SMURF2: variants seen among roughly 807,000 people sequenced by gnomAD.
SMURF2 encodes SMAD specific E3 ubiquitin protein ligase 2, also known as E3 ubiquitin-protein ligase SMURF2.
SMURF2 carries 48 observed loss-of-function variants against 109.6 expected under a neutral mutation model. That is an observed-to-expected ratio of 0.44 (90% CI 0.35 to 0.56). SMURF2 has a LOEUF of 0.56. Ranked by LOEUF, SMURF2 falls within the 20% of genes least tolerant of loss-of-function variation. The pLI, the probability that SMURF2 is intolerant of heterozygous loss-of-function variation, is 0.01. For synonymous variants in SMURF2, 288 were observed against 317.1 expected, an observed-to-expected ratio of 0.91 and a Z score of 0.97; for missense variants, 575 against 909.0, an observed-to-expected ratio of 0.63 and a Z score of 4.72.
intron 2 of SMURF2, among the ~76,000 whole-genome samples, chr17:64,599,389 T>C (rs558522695): frequency 5.9e-4 from 89 of 152,104 alleles, no homozygotes; most frequent in African/African-American, 1.7e-3. Flanking sequence ...TGAGTACAAG[T>C]AAGAGCTCAG....
rs1970348112 is a variant in SMURF2, at chr17:64,631,436, G to T, written c.53-24796C>A. Among the ~76,000 whole-genome samples, 3 of 151,982 alleles carry T rather than the reference G, an allele frequency of 2.0e-5. No homozygotes were observed. The South Asian group carries it at 6.2e-4, about 32-fold the overall frequency. ...AAGAAATGCAGGGGTTGAAGGAAATGGGCTAAGAAAGGACTTTAAAGATGA... is the reference window on the plus strand; with the variant it reads ...AAGAAATGCAGGGGTTGAAGGAAATTGGCTAAGAAAGGACTTTAAAGATGA... On this transcript the variant is annotated intron_variant, in intron 1 of 18. Transcript: ENST00000262435.
At chr17:64,649,016 G>A (rs2144731420) in intron 1 of SMURF2, among the ~76,000 whole-genome samples, 1 of 152,096 alleles carries the variant, frequency 6.6e-6, no homozygotes, top group Non-Finnish European at 1.5e-5. Flanking sequence ...TTCTTCACTG[G>A]AGGAAGAAAG....
At position 64,547,497 on chromosome 17, in the gene SMURF2, AGAG is replaced by A. The variant is rs1968975204; in HGVS notation, c.2071+100_2071+102del. Reference sequence around the variant, plus strand: ...GAGAGTCACAGATAAGAAGTGAAAAAGAGAATCTCTAAGCACATGGTTTACAAA... The same window carrying A: ...GAGAGTCACAGATAAGAAGTGAAAAAAATCTCTAAGCACATGGTTTACAAA... On this transcript the variant is annotated intron_variant, in intron 17 of 18. Coordinates refer to ENST00000262435, the MANE Select transcript of SMURF2 (RefSeq NM_022739.4). This position sits in a 1 kb window ranked among gnomAD's most constrained non-coding sequence, Gnocchi z 4.2. 1.6e-5 allele frequency: 15 copies of A among 945,000 alleles called. No homozygotes were observed. The highest frequency in any genetic ancestry group is 2.3e-5 in the Non-Finnish European group (14 of 608,700). The allele number at this position is 945,000 out of a possible 1,614,324, so 58.5% of individuals were successfully genotyped here.
chr17:64,628,671 C>A (rs188949300), intron 1 of SMURF2, among the ~76,000 whole-genome samples: 46 of 152,302 alleles, frequency 3.0e-4, no homozygotes, highest in African/African-American at 1.1e-3. Flanking sequence ...AACTCTAACA[C>A]TAAGACAACC....
chr17:64,589,577 T>C (rs1439876075), intron 5 of SMURF2, among the ~76,000 whole-genome samples: 4 of 151,842 alleles, frequency 2.6e-5, no homozygotes, highest in Admixed American at 2.0e-4. Context: ...CCACCCGAGC[T>C]CTGCCTCCTA....
intron 1 of SMURF2, among the ~76,000 whole-genome samples, chr17:64,613,456 G>A (rs1490361428): frequency 6.6e-6 from 1 of 152,106 alleles, no homozygotes; most frequent in Non-Finnish European, 1.5e-5. Flanking sequence ...GTGGCAGTGT[G>A]GGAGAAGTTT....
At chr17:64,622,566 T>C (rs995894340) in intron 1 of SMURF2, among the ~76,000 whole-genome samples, 27 of 152,148 alleles carry the variant, frequency 1.8e-4, no homozygotes, top group African/African-American at 6.5e-4. Context: ...GGAATGCTCC[T>C]CAACTGGGAT....
At chr17:64,583,284 T>TCAAA (rs770515281) in intron 7 of SMURF2, among the ~76,000 whole-genome samples, 177 bp downstream of exon 7, 3 of 152,120 alleles carry the variant, frequency 2.0e-5, no homozygotes, top group Non-Finnish European at 4.4e-5. Flanking sequence ...GCATGACCTG[T>TCAAA]CAAACAAACT....
chr17:64,566,574 T>TTTTTTTTTTTTTG, intron 10 of SMURF2, among the ~76,000 whole-genome samples: 14 of 102,964 alleles, frequency 1.4e-4, no homozygotes, highest in Non-Finnish European at 2.0e-4. Flanking sequence ...TTTTTTTTTT[T>TTTTTTTTTTTTTG]TTTTTTTTTT....
At chr17:64,601,828 G>C (rs1166325482) in intron 2 of SMURF2, among the ~76,000 whole-genome samples, 2 of 151,080 alleles carry the variant, frequency 1.3e-5, no homozygotes, top group Admixed American at 1.3e-4. Context: ...AGTGGGTAAA[G>C]AAATGTGGTG....
At chr17:64,638,062 C>CTTTTT (rs1195172818) in intron 1 of SMURF2, among the ~76,000 whole-genome samples, 29 of 102,428 alleles carry the variant, frequency 2.8e-4, no homozygotes, top group Non-Finnish European at 3.3e-4. Flanking sequence ...TTTCCTTTTT[C>CTTTTT]TTTTTTTTTT....
chr17:64,587,148 C>T (rs1188280778), intron 5 of SMURF2, among the ~76,000 whole-genome samples: 2 of 152,076 alleles, frequency 1.3e-5, no homozygotes, highest in African/African-American at 4.8e-5. Context: ...TGCACTCTAG[C>T]CTGGCAACAG....
chr17:64,545,736 G>GA lies in SMURF2; in HGVS notation c.*111_*112insT. On this transcript the variant is annotated 3_prime_UTR_variant, in exon 19 of 19. Transcript: ENST00000262435. ...AAATGTAAAAAAAAAAAAAAAAAGG[G>GA]GGGGGGGGGGAGTGTTTTCCTGTAT... 1.2e-5 allele frequency: 3 copies of GA among 254,566 alleles called. No individual in the cohort carries two copies. Among genetic ancestry groups the GA allele is most frequent in the Non-Finnish European group, 1.9e-5 (3 of 159,896 alleles). 15.8% of individuals were successfully genotyped at this position (254,566 alleles called of 1,614,324 possible). A position where few individuals can be genotyped will look rare whatever the true frequency, so the allele number is the denominator to read the frequency against.
intron 9 of SMURF2, among the ~76,000 whole-genome samples, 172 bp from the exon 10 acceptor site, chr17:64,572,128 CA>C (rs1969407019): frequency 6.6e-6 from 1 of 152,240 alleles, no homozygotes; most frequent in Non-Finnish European, 1.5e-5. Context: ...CTTTCATCTT[CA>C]AAGCCCAATC....
At chr17:64,650,784 C>G (rs943280010) in intron 1 of SMURF2, among the ~76,000 whole-genome samples, 2 of 151,718 alleles carry the variant, frequency 1.3e-5, no homozygotes, top group Admixed American at 1.3e-4. Context: ...GAGTGGAGAT[C>G]GTGCCTGGGC....
intron 10 of SMURF2, among the ~76,000 whole-genome samples, chr17:64,571,444 A>G (rs1969397809): frequency 6.6e-6 from 1 of 152,020 alleles, no homozygotes; most frequent in Non-Finnish European, 1.5e-5. Flanking sequence ...TCCATCTGTC[A>G]CCCAGGCTGG....
At chr17:64,568,255 G>A (rs968767650) in intron 10 of SMURF2, among the ~76,000 whole-genome samples, 5 of 152,170 alleles carry the variant, frequency 3.3e-5, no homozygotes, top group South Asian at 2.1e-4. Context: ...CTCCCAAAGT[G>A]CTGGGATTAT....
chr17:64,572,753 C>T (rs1406442934), intron 9 of SMURF2: 1 of 152,378 alleles, frequency 6.6e-6, no homozygotes, highest in Non-Finnish European at 1.5e-5. Context: ...TTGCCCTCCC[C>T]CCATACTGTG....
intron 15 of SMURF2, among the ~76,000 whole-genome samples, chr17:64,551,926 G>GC (rs1969051395): frequency 6.6e-6 from 1 of 152,104 alleles, no homozygotes; most frequent in Admixed American, 6.5e-5. Context: ...AACAAAAGCA[G>GC]CATCAGCAGA....
Sources: allele counts gnomAD v4.1 joint callset (sites outside exome capture counted in the v4.1 genomes callset), GRCh38; gene constraint gnomAD v4.1.1; non-coding constraint Gnocchi (gnomAD v3.1); transcripts MANE v1.5; gene names NCBI Gene and HGNC (gene_info 2026-07-23, HGNC 2026-07-21).